SLC19A2: variants seen among roughly 807,000 people sequenced by gnomAD.
SLC19A2 encodes thiamine transporter 1.
Under a neutral mutation model 44.7 loss-of-function variants are expected in SLC19A2, and 27 were observed. That is an observed-to-expected ratio of 0.60 (90% CI 0.45 to 0.83). The LOEUF (loss-of-function observed/expected upper bound fraction) is 0.83. Ranked by LOEUF, SLC19A2 falls within the 40% of genes least tolerant of loss-of-function variation. The pLI is 0.00. For missense variants in SLC19A2, 566 were observed against 613.7 expected (o/e 0.92, Z 0.82); for synonymous variants, 239 against 243.6 (o/e 0.98, Z 0.18).
In SLC19A2 at chr1:169,485,842, C is replaced by G; in HGVS notation, c.-76G>C. 1 of 1,440,456 alleles carries G rather than the reference C, an allele frequency of 6.9e-7. No homozygotes were observed. Among genetic ancestry groups the G allele is most frequent in the Non-Finnish European group, 9.2e-7 (1 of 1,090,160 alleles). The allele number at this position is 1,440,456 out of a possible 1,614,324, so 89.2% of individuals were successfully genotyped here. A position where few individuals can be genotyped will look rare whatever the true frequency, so the allele number is the denominator to read the frequency against. ...CGCCAACTGGAGTGAGGGTCAGGCA[C>G]TTGTAACCGCGAGTGACGCCTTCTC... is the stretch of plus-strand genomic sequence containing the variant. On this transcript the variant is annotated 5_prime_UTR_variant, in exon 1 of 6. Transcript: ENST00000236137.
chr1:169,468,454 CA>C, intron 4 of SLC19A2, 189 bp downstream of exon 4: 1 of 684,688 alleles, frequency 1.5e-6, no homozygotes, highest in Non-Finnish European at 2.4e-6. Context: ...TAGGAACATA[CA>C]AACATGGGAA....
chr1:169,465,911 C>A lies in SLC19A2; in HGVS notation c.1432G>T (p.Val478Phe), dbSNP rs751968628. Reference protein sequence around the residue: ...VVFLASGAVSVMKKCRKLEDP... With the variant: ...VVFLASGAVSFMKKCRKLEDP... ...TCCAGCTTTCTACATTTCTTCATAA[C>A]ACTGACTGCACCACTGGCCAGGAAA... is the stretch of plus-strand genomic sequence containing the variant. The change falls in exon 6 of 6, where the codon GTT becomes TTT. Residue 478 changes from valine (V) to phenylalanine (F), a missense_variant. Transcript: ENST00000236137. 6.2e-7 allele frequency: 1 copy of A among 1,614,112 alleles called. No individual in the cohort carries two copies. The highest frequency in any genetic ancestry group is 1.7e-5 in the Admixed American group (1 of 60,022).
rs1315173569 is a variant in SLC19A2 at position 169,468,091 on chromosome 1, T to C, written c.1365+20A>G. On this transcript the variant is annotated intron_variant, in intron 5 of 5. Coordinates refer to ENST00000236137, the MANE Select transcript of SLC19A2 (RefSeq NM_006996.3). ...ATCAAGTCACACATACTACCTTCGA[T>C]GCCAAAGGAGAGATCTTACCTGAGT... The C allele has an allele frequency of 2.5e-6, 4 of 1,613,302 alleles. No individual in the cohort carries two copies. In the African/African-American group the frequency reaches 4.0e-5, roughly 16 times the overall value.
chr1:169,468,098 GGA>G lies in SLC19A2; in HGVS notation c.1365+11_1365+12del. ...CACACATACTACCTTCGATGCCAAA[GGA>G]GAGATCTTACCTGAGTGGTAATTTC... is the stretch of plus-strand genomic sequence containing the variant. On this transcript the variant is annotated intron_variant, in intron 5 of 5. Transcript: ENST00000236137. 1 of 1,613,760 alleles carries G rather than the reference GGA, an allele frequency of 6.2e-7. No individual in the cohort carries two copies. Among genetic ancestry groups the G allele is most frequent in the Non-Finnish European group, 8.5e-7 (1 of 1,179,726 alleles).
chr1:169,471,407 A>T (rs1658173514), intron 2 of SLC19A2, among the ~76,000 whole-genome samples: 1 of 150,854 alleles, frequency 6.6e-6, no homozygotes. Flanking sequence ...TGGCAGGAGA[A>T]ATGCTTGAAC....
chr1:169,468,041 G>A (rs1658075085), intron 5 of SLC19A2, 70 bp downstream of exon 5: 2 of 1,490,210 alleles, frequency 1.3e-6, no homozygotes, highest in Admixed American at 3.4e-5. Context: ...TTTTCATTAA[G>A]CATACATATA....
chr1:169,483,163 C>T (rs1658480212), intron 1 of SLC19A2, among the ~76,000 whole-genome samples: 1 of 152,144 alleles, frequency 6.6e-6, no homozygotes, highest in South Asian at 2.1e-4. Context: ...AAATCTTTTT[C>T]TCCTCTCCTT....
intron 2 of SLC19A2, among the ~76,000 whole-genome samples, chr1:169,472,997 G>C (rs1243474357): frequency 6.6e-6 from 1 of 152,156 alleles, no homozygotes; most frequent in African/African-American, 2.4e-5. Flanking sequence ...TTTCATGTGG[G>C]ATGAATAACA....
Position 169,485,722 on chromosome 1 carries a change from C to G in SLC19A2, c.45G>C (p.Ala15=). The change falls in exon 1 of 6, where the codon GCG becomes GCC. Residue 15 remains alanine (A), a synonymous_variant. Coordinates refer to ENST00000236137, the MANE Select transcript of SLC19A2 (RefSeq NM_006996.3). ...GPVSRRAAAA[A]ATVLLRTARV... Reference sequence around the variant, plus strand: ...GAGCGGTCCGCAGGAGCACAGTGGCCGCCGCCGCCGCCGCCCGCCGAGACA... The same window carrying G: ...GAGCGGTCCGCAGGAGCACAGTGGCGGCCGCCGCCGCCGCCCGCCGAGACA... 6.5e-7 allele frequency: 1 copy of G among 1,531,930 alleles called. No homozygotes were observed. The highest frequency in any genetic ancestry group is 8.7e-7 in the Non-Finnish European group (1 of 1,143,710). 94.9% of individuals were successfully genotyped at this position (1,531,930 alleles called of 1,614,324 possible).
intron 5 of SLC19A2, among the ~76,000 whole-genome samples, chr1:169,466,227 C>T (rs1453435675): frequency 1.3e-5 from 2 of 152,182 alleles, no homozygotes; most frequent in Non-Finnish European, 2.9e-5. Context: ...TCTCTGAGCC[C>T]TTCTTCACTT....
chr1:169,475,939 G>T (rs892045246), intron 2 of SLC19A2, among the ~76,000 whole-genome samples: 1 of 152,178 alleles, frequency 6.6e-6, no homozygotes, highest in African/African-American at 2.4e-5. Flanking sequence ...GAGAATGAAA[G>T]ACTTTACTCA....
chr1:169,468,572 G>A, intron 4 of SLC19A2, 72 bp downstream of exon 4: 1 of 1,233,284 alleles, frequency 8.1e-7, no homozygotes, highest in Non-Finnish European at 1.2e-6. Context: ...TGAATATTTT[G>A]GTTTGTAAAG....
At chr1:169,482,013 A>G (rs1256870834) in intron 1 of SLC19A2, among the ~76,000 whole-genome samples, 1 of 152,136 alleles carries the variant, frequency 6.6e-6, no homozygotes, top group African/African-American at 2.4e-5. Context: ...AGCCTGGCCA[A>G]CATGGCAAAA....
At position 169,477,763 on chromosome 1, in the gene SLC19A2, AG is replaced by A; in HGVS notation, c.205-7del. The A allele has an allele frequency of 6.3e-7, 1 of 1,599,250 alleles. No homozygotes were observed. ...GGATAAATTTCATTGAAGACCTGGT[AG>A]AAAGAGAAAAAAAAAAAACAAAAAA... On this transcript the variant is annotated splice_region_variant and splice_polypyrimidine_tract_variant and intron_variant, in intron 1 of 5. Transcript: ENST00000236137.
intron 1 of SLC19A2, among the ~76,000 whole-genome samples, chr1:169,484,756 GA>G (rs66824610): frequency 0.32 from 49,234 of 151,952 alleles, 9,413 homozygotes; most frequent in East Asian, 0.82. Context: ...CTCATCTAGG[GA>G]AAAAATCAAT....
intron 1 of SLC19A2, among the ~76,000 whole-genome samples, chr1:169,479,568 C>G (rs1658399579): frequency 1.3e-5 from 2 of 152,216 alleles, no homozygotes; most frequent in Admixed American, 1.3e-4. Context: ...AAATTACTTA[C>G]TCCACCTGAT....
chr1:169,485,859 C>A lies in SLC19A2; in HGVS notation c.-93G>T. 7.3e-7 allele frequency: 1 copy of A among 1,361,938 alleles called. No individual in the cohort carries two copies. The highest frequency in any genetic ancestry group is 9.8e-7 in the Non-Finnish European group (1 of 1,022,092). The allele number at this position is 1,361,938 out of a possible 1,614,324, so 84.4% of individuals were successfully genotyped here. A position where few individuals can be genotyped will look rare whatever the true frequency, so the allele number is the denominator to read the frequency against. The stretch of plus-strand genomic sequence containing the variant: ...GTCAGGCACTTGTAACCGCGAGTGA[C>A]GCCTTCTCCCTGTAAGGCCAGGACG... On this transcript the variant is annotated 5_prime_UTR_variant, in exon 1 of 6. Coordinates refer to ENST00000236137, the MANE Select transcript of SLC19A2 (RefSeq NM_006996.3).
chr1:169,483,778 C>G, intron 1 of SLC19A2, among the ~76,000 whole-genome samples: 1 of 152,196 alleles, frequency 6.6e-6, no homozygotes, highest in East Asian at 1.9e-4. Context: ...GTTTCACTAT[C>G]CGGAAAGGCG....
At chr1:169,469,019 G>A (rs1658103694) in intron 3 of SLC19A2, 183 bp from the exon 4 acceptor site, 2 of 601,820 alleles carry the variant, frequency 3.3e-6, no homozygotes, top group Non-Finnish European at 2.9e-6. Flanking sequence ...CAATAAAATG[G>A]AGCCACTGAG....
Sources: allele counts gnomAD v4.1 joint callset (sites outside exome capture counted in the v4.1 genomes callset), GRCh38; gene constraint gnomAD v4.1.1; transcripts MANE v1.5; gene names NCBI Gene and HGNC (gene_info 2026-07-23, HGNC 2026-07-21).